The following NRG3 variants were observed in gnomAD, a reference collection of about 807,000 sequenced individuals.
NRG3 encodes pro-neuregulin-3, membrane-bound isoform.
A neutral mutation model predicts 66.9 loss-of-function variants in NRG3; 31 were observed. The observed-to-expected ratio is 0.46, with a 90% CI of 0.35 to 0.63. The LOEUF (loss-of-function observed/expected upper bound fraction) is 0.63, where lower values mean the gene tolerates loss of function less well. Among genes scored for constraint, NRG3 ranks in the 20% least tolerant of loss-of-function variants. NRG3 has a pLI of 0.00. For missense variants in NRG3, 910 were observed against 878.9 expected (o/e 1.04, Z -0.45); for synonymous variants, 393 against 359.4 (o/e 1.09, Z -1.06).
chr10:82,264,413 C>T (rs79723357), intron 1 of NRG3, among the ~76,000 whole-genome samples: 8,537 of 152,012 alleles, frequency 0.056, 390 homozygotes, highest in African/African-American at 0.13. Context: ...GACCCCCACT[C>T]CCGCCCCGCC....
rs2135682426 is a variant in NRG3, at chr10:82,832,294, C to G, written c.1028-33117C>G. Among the ~76,000 whole-genome samples the G allele has an allele frequency of 2.0e-5, 3 of 152,246 alleles. No individual in the cohort carries two copies. The Middle Eastern group carries it at 0.01, about 518-fold the overall frequency. ...GACAGGGGCTTCCTTAGCAATGCCT[C>G]AGATAAAAACTTGGGCCCAGTTCTC... On this transcript the variant is annotated intron_variant, in intron 3 of 8. Transcript: ENST00000372141.
At chr10:82,066,448 T>G (rs1342864839) in intron 1 of NRG3, among the ~76,000 whole-genome samples, 1 of 152,118 alleles carries the variant, frequency 6.6e-6, no homozygotes, top group Non-Finnish European at 1.5e-5. Flanking sequence ...TTTCTTACTG[T>G]TACGTACTTT....
intron 2 of NRG3, among the ~76,000 whole-genome samples, chr10:82,462,845 G>A (rs1021199634): frequency 6.6e-6 from 1 of 152,140 alleles, no homozygotes; most frequent in Non-Finnish European, 1.5e-5. Context: ...TTGCAAAGTG[G>A]GTAGGCTGAT....
intron 1 of NRG3, among the ~76,000 whole-genome samples, chr10:82,278,646 G>A (rs1337018880): frequency 1.3e-5 from 2 of 152,096 alleles, no homozygotes. Flanking sequence ...AGAGCTGTCT[G>A]AAATAATAAA....
intron 2 of NRG3, among the ~76,000 whole-genome samples, chr10:82,521,688 A>T (rs1031251687): frequency 5.3e-5 from 8 of 151,426 alleles, no homozygotes; most frequent in Non-Finnish European, 7.4e-5. Flanking sequence ...ACATTGACTG[A>T]CTCCTCCTTT....
chr10:82,433,966 T>G (rs2089979165), intron 2 of NRG3, among the ~76,000 whole-genome samples: 1 of 152,106 alleles, frequency 6.6e-6, no homozygotes, highest in Non-Finnish European at 1.5e-5. Context: ...TTTAACCTAG[T>G]TTTTTCTAAT....
chr10:82,967,774 G>T (rs1397183740), intron 6 of NRG3, among the ~76,000 whole-genome samples: 1 of 152,142 alleles, frequency 6.6e-6, no homozygotes, highest in Non-Finnish European at 1.5e-5. Flanking sequence ...CCTTCCACTG[G>T]CAGAGACATT....
At chr10:82,450,730 T>C (rs1160854605) in intron 2 of NRG3, among the ~76,000 whole-genome samples, 1 of 152,206 alleles carries the variant, frequency 6.6e-6, no homozygotes, top group Non-Finnish European at 1.5e-5. Context: ...TTTAACTTGG[T>C]CAACACAAAA....
At chr10:82,004,721 G>A (rs867176398) in intron 1 of NRG3, among the ~76,000 whole-genome samples, 5 of 152,168 alleles carry the variant, frequency 3.3e-5, no homozygotes, top group Non-Finnish European at 7.3e-5. Flanking sequence ...AAATGAGGAC[G>A]TTAAGGTGGG....
At position 81,875,620 on chromosome 10, in the gene NRG3, G is replaced by A. The variant is rs766451825; in HGVS notation, c.280G>A (p.Val94Ile). 1.2e-6 allele frequency: 2 copies of A among 1,613,612 alleles called. No individual in the cohort carries two copies. Among genetic ancestry groups the A allele is most frequent in the African/African-American group, 1.3e-5 (1 of 75,026 alleles). Residue 94 changes from valine (V) to isoleucine (I), a missense_variant, in exon 1 of 9, where the codon GTC becomes ATC. Val to Ile is a conservative substitution (Grantham distance 29, BLOSUM62 3). Coordinates refer to ENST00000372141, the MANE Select transcript of NRG3 (RefSeq NM_001010848.4). The surrounding 1 kb of genome is among the most constrained non-coding windows in gnomAD (Gnocchi z 5.3). ...MLLKWIVVGS[V>I]KEYVPTDLVD... Reference sequence around the variant, plus strand: ...TCTCAAATGGATCGTGGTGGGCTCCGTCAAGGAGTACGTGCCCACCGACCT... The same window carrying A: ...TCTCAAATGGATCGTGGTGGGCTCCATCAAGGAGTACGTGCCCACCGACCT...
intron 3 of NRG3, among the ~76,000 whole-genome samples, chr10:82,816,501 T>C (rs2135541400): frequency 1.3e-5 from 2 of 152,238 alleles, no homozygotes; most frequent in Admixed American, 1.3e-4. Context: ...TTCCTGGGCT[T>C]CAGAAGGGAG....
intron 1 of NRG3, among the ~76,000 whole-genome samples, chr10:82,040,994 G>A (rs1171304586): frequency 6.6e-6 from 1 of 152,048 alleles, no homozygotes; most frequent in Admixed American, 6.6e-5. Flanking sequence ...GAGTTAACAG[G>A]TAAAACATTG....
At chr10:81,954,040 T>C (rs1337561979) in intron 1 of NRG3, among the ~76,000 whole-genome samples, 3 of 152,178 alleles carry the variant, frequency 2.0e-5, no homozygotes, top group Non-Finnish European at 4.4e-5. Flanking sequence ...TATATTTGCT[T>C]TATCTTTTAT....
intron 3 of NRG3, among the ~76,000 whole-genome samples, chr10:82,742,266 T>G (rs1025478650): frequency 2.0e-5 from 3 of 152,124 alleles, no homozygotes; most frequent in Non-Finnish European, 2.9e-5. Context: ...AAATAAAATC[T>G]TAAATGACCT....
intron 1 of NRG3, among the ~76,000 whole-genome samples, chr10:81,956,046 A>G (rs1443880171): frequency 6.6e-6 from 1 of 152,182 alleles, no homozygotes; most frequent in Non-Finnish European, 1.5e-5. Context: ...CACAGCAAAG[A>G]TCTCATCCCA....
intron 1 of NRG3, among the ~76,000 whole-genome samples, chr10:82,254,484 C>T (rs1589481060): frequency 6.6e-6 from 1 of 152,194 alleles, no homozygotes; most frequent in Admixed American, 6.5e-5. Flanking sequence ...ACAGTGAGCA[C>T]ACCCAGTGCC....
At chr10:82,767,581 A>G (rs1260689529) in intron 3 of NRG3, among the ~76,000 whole-genome samples, 1 of 151,554 alleles carries the variant, frequency 6.6e-6, no homozygotes, top group Non-Finnish European at 1.5e-5. Context: ...TCATTCTTAA[A>G]TTTCTCTTGG....
chr10:82,022,406 C>T (rs1473100558), intron 1 of NRG3, among the ~76,000 whole-genome samples: 1 of 152,062 alleles, frequency 6.6e-6, no homozygotes, highest in African/African-American at 2.4e-5. Flanking sequence ...GCTTTCAGTA[C>T]CTCCCGGTTG....
At chr10:82,344,932 T>C (rs1175638035) in intron 1 of NRG3, among the ~76,000 whole-genome samples, 1 of 115,084 alleles carries the variant, frequency 8.7e-6, no homozygotes, top group Non-Finnish European at 1.6e-5. Context: ...CTTGTAAATT[T>C]GTTTGAGTTC....
Sources: allele counts gnomAD v4.1 joint callset (sites outside exome capture counted in the v4.1 genomes callset), GRCh38; gene constraint gnomAD v4.1.1; non-coding constraint Gnocchi (gnomAD v3.1); transcripts MANE v1.5; gene names NCBI Gene and HGNC (gene_info 2026-07-23, HGNC 2026-07-21).